The following KCTD8 variants were observed in gnomAD, a reference collection of about 807,000 sequenced individuals.
KCTD8 encodes potassium channel tetramerization domain containing 8.
In KCTD8, 27 loss-of-function variants were observed where a neutral mutation model predicts 31.5. That is an observed-to-expected ratio of 0.86 (90% CI 0.63 to 1.18). The LOEUF (loss-of-function observed/expected upper bound fraction) is 1.18, where lower values mean the gene tolerates loss of function less well. Among genes scored for constraint, KCTD8 ranks in the 50% most tolerant of loss-of-function variants. KCTD8 has a pLI of 0.00. For synonymous variants in KCTD8, 290 were observed against 280.0 expected (o/e 1.04, Z -0.36); for missense variants, 658 against 647.7 (o/e 1.02, Z -0.17).
At chr4:44,408,338 A>G (rs1247829104) in intron 1 of KCTD8, among the ~76,000 whole-genome samples, 2 of 152,210 alleles carry the variant, frequency 1.3e-5, no homozygotes, top group Admixed American at 1.3e-4. Context: ...GACTCAAATG[A>G]TCGCTATTTA....
At chr4:44,275,160 C>A (rs1716717108) in intron 1 of KCTD8, among the ~76,000 whole-genome samples, 1 of 151,662 alleles carries the variant, frequency 6.6e-6, no homozygotes, top group African/African-American at 2.4e-5. Flanking sequence ...AGAAATGAGA[C>A]AGGGATCATA....
intron 1 of KCTD8, among the ~76,000 whole-genome samples, chr4:44,377,002 C>T (rs1719929792): frequency 6.6e-6 from 1 of 152,128 alleles, no homozygotes; most frequent in African/African-American, 2.4e-5. Context: ...ATTTGCAGGA[C>T]TCAGTAAAAA....
intron 1 of KCTD8, among the ~76,000 whole-genome samples, chr4:44,181,225 ACGGTCTCCCTCTCCCTCTCTTTC>A (rs1713377322): frequency 1.0e-5 from 1 of 99,918 alleles, no homozygotes; most frequent in Non-Finnish European, 1.9e-5. Context: ...CTCTCTTTCC[ACGGTCTCCCTCTCCCTCTCTTTC>A]CACGGTCTCC....
chr4:44,235,528 TATATATATATATA>T (rs1560401995), intron 1 of KCTD8, among the ~76,000 whole-genome samples: 13 of 9,376 alleles, frequency 1.4e-3, no homozygotes, highest in African/African-American at 3.4e-3. Flanking sequence ...CACTGGATTA[TATATATATATATA>T]TATATATATA....
chr4:44,195,806 A>T (rs1241587377), intron 1 of KCTD8, among the ~76,000 whole-genome samples: 5 of 152,176 alleles, frequency 3.3e-5, no homozygotes, highest in Non-Finnish European at 4.4e-5. Flanking sequence ...AGGAAGTAAC[A>T]GCATACTAAG....
chr4:44,323,984 G>A (rs1267130177), intron 1 of KCTD8, among the ~76,000 whole-genome samples: 2 of 147,722 alleles, frequency 1.4e-5, no homozygotes, highest in Admixed American at 1.4e-4. Flanking sequence ...CATGGCACAT[G>A]TATACATATG....
chr4:44,316,191 G>T (rs1381674751), intron 1 of KCTD8, among the ~76,000 whole-genome samples: 1 of 151,430 alleles, frequency 6.6e-6, no homozygotes, highest in Non-Finnish European at 1.5e-5. Flanking sequence ...GAGATAATTT[G>T]TTCTGCTATA....
intron 1 of KCTD8, among the ~76,000 whole-genome samples, chr4:44,228,798 G>A (rs147907100): frequency 1.3e-3 from 205 of 152,252 alleles, no homozygotes; most frequent in African/African-American, 4.7e-3. Flanking sequence ...TAGACTCTCT[G>A]TGCCTAGTGT....
intron 1 of KCTD8, among the ~76,000 whole-genome samples, chr4:44,301,910 G>A (rs1181133698): frequency 1.3e-5 from 2 of 152,206 alleles, no homozygotes; most frequent in Non-Finnish European, 1.5e-5. Flanking sequence ...TGTAAGGAAG[G>A]GATCCAGTTT....
chr4:44,269,633 C>T (rs1716514177), intron 1 of KCTD8, among the ~76,000 whole-genome samples: 1 of 152,064 alleles, frequency 6.6e-6, no homozygotes, highest in African/African-American at 2.4e-5. Flanking sequence ...ATTTTCGCAA[C>T]CTACTCATCT....
Position 44,369,623 on chromosome 4 carries a change from T to TG in KCTD8, c.961+77939dup, listed in dbSNP as rs1296757719. On this transcript the variant is annotated intron_variant, in intron 1 of 1. Coordinates refer to ENST00000360029, the MANE Select transcript of KCTD8 (RefSeq NM_198353.3). Reference sequence around the variant, plus strand: ...GAGTTCATGAACAGCCTGGGCTACGTGGCAAAACCCTGCCTTTACAAAGAT... The same window carrying TG: ...GAGTTCATGAACAGCCTGGGCTACGTGGGCAAAACCCTGCCTTTACAAAGAT... Among the ~76,000 whole-genome samples, 4 of 152,044 alleles carry TG rather than the reference T, an allele frequency of 2.6e-5. No homozygotes were observed. The East Asian group carries it at 7.7e-4, about 29-fold the overall frequency.
intron 1 of KCTD8, among the ~76,000 whole-genome samples, chr4:44,251,894 A>G (rs1302800479): frequency 6.6e-6 from 1 of 150,900 alleles, no homozygotes; most frequent in Non-Finnish European, 1.5e-5. Context: ...GTTTTGGGGG[A>G]AAAGGTGGTT....
At chr4:44,309,663 T>TAA (rs1577607688) in intron 1 of KCTD8, among the ~76,000 whole-genome samples, 1 of 152,116 alleles carries the variant, frequency 6.6e-6, no homozygotes, top group Non-Finnish European at 1.5e-5. Context: ...ATTTTAGTCC[T>TAA]AAATACTAAA....
chr4:44,174,631 C>A lies in KCTD8; in HGVS notation c.*159G>T. ...TTTTTAATCATGTTTCTAAAAAGAA[C>A]AACAACTAAAACATAAAAGAAAATA... On this transcript the variant is annotated 3_prime_UTR_variant, in exon 2 of 2. Coordinates refer to ENST00000360029, the MANE Select transcript of KCTD8 (RefSeq NM_198353.3). The A allele has an allele frequency of 2.0e-6, 1 of 503,796 alleles. No homozygotes were observed. The highest frequency in any genetic ancestry group is 3.2e-5 in the East Asian group (1 of 31,034). The allele number at this position is 503,796 out of a possible 1,614,324, so 31.2% of individuals were successfully genotyped here. A position where few individuals can be genotyped will look rare whatever the true frequency, so the allele number is the denominator to read the frequency against.
At chr4:44,198,862 C>T (rs1441880477) in intron 1 of KCTD8, among the ~76,000 whole-genome samples, 1 of 152,062 alleles carries the variant, frequency 6.6e-6, no homozygotes, top group Non-Finnish European at 1.5e-5. Context: ...CATAAAGTGG[C>T]AAGCTGGATA....
chr4:44,249,854 T>C (rs1715774911), intron 1 of KCTD8, among the ~76,000 whole-genome samples: 1 of 151,612 alleles, frequency 6.6e-6, no homozygotes, highest in African/African-American at 2.4e-5. Context: ...ACAGCAAAAG[T>C]CACTCTTCCT....
chr4:44,383,341 A>C lies in KCTD8; in HGVS notation c.961+64222T>G, dbSNP rs907167796. Among the ~76,000 whole-genome samples the C allele has an allele frequency of 1.5e-4, 23 of 152,088 alleles. 1 individual carries two copies. Among genetic ancestry groups the C allele is most frequent in the African/African-American group, 5.3e-4 (22 of 41,444 alleles). ...AATTTTAAAATCTGTATAAAACCAC[A>C]AAAGACCCCAGATAGCCAAAGCAAT... On this transcript the variant is annotated intron_variant, in intron 1 of 1. Coordinates refer to ENST00000360029, the MANE Select transcript of KCTD8 (RefSeq NM_198353.3).
intron 1 of KCTD8, among the ~76,000 whole-genome samples, chr4:44,347,872 A>C (rs12507817): frequency 0.23 from 35,611 of 152,104 alleles, 4,872 homozygotes; most frequent in Non-Finnish European, 0.31. Flanking sequence ...AGAAATAATT[A>C]GATACATTTA....
chr4:44,206,724 C>T (rs139412116), intron 1 of KCTD8, among the ~76,000 whole-genome samples: 124 of 152,228 alleles, frequency 8.1e-4, no homozygotes, highest in Middle Eastern at 3.4e-3. Context: ...ACAGTTGCTA[C>T]GAGCTCAGGC....
Sources: gnomAD v4.1 joint callset for allele counts (sites outside exome capture counted in the v4.1 genomes callset) on GRCh38, gnomAD v4.1.1 for gene constraint, MANE v1.5 for transcripts, NCBI Gene and HGNC (gene_info 2026-07-23, HGNC 2026-07-21) for gene names.